Variants in SLC38A4 observed in about 807,000 individuals in gnomAD.
The protein encoded by SLC38A4 is solute carrier family 38 member 4.
In SLC38A4, 20 loss-of-function variants were observed where a neutral mutation model predicts 63.1. The observed-to-expected ratio is 0.32, with a 90% CI of 0.22 to 0.46. The LOEUF is 0.46. SLC38A4 is among the 20% of genes least tolerant of loss of function. SLC38A4 has a pLI of 1.00. For missense variants in SLC38A4, 526 were observed against 663.6 expected (o/e 0.79, Z 2.28); for synonymous variants, 230 against 225.5 (o/e 1.02, Z -0.18).
At chr12:46,800,525 C>T (rs1435589138) in intron 2 of SLC38A4, among the ~76,000 whole-genome samples, 1 of 151,938 alleles carries the variant, frequency 6.6e-6, no homozygotes, top group Non-Finnish European at 1.5e-5. Flanking sequence ...GCCCAGGTCC[C>T]TCCCAATGTT....
rs117648448 is a variant in SLC38A4, at chr12:46,765,100, G to C, written c.*1601C>G. 1,172 of 152,616 alleles carry C rather than the reference G, an allele frequency of 7.7e-3. 20 individuals carry two copies. The highest frequency in any genetic ancestry group is 0.058 in the East Asian group (301 of 5,182). 9.5% of individuals were successfully genotyped at this position (152,616 alleles called of 1,614,324 possible). A position where few individuals can be genotyped will look rare whatever the true frequency, so the allele number is the denominator to read the frequency against. ...TATATCCTAAAGATGCTATTTGGCA[G>C]ATTTTTTTCAAATAATAGTAGCTCA... On this transcript the variant is annotated 3_prime_UTR_variant, in exon 17 of 17. Transcript: ENST00000266579.
chr12:46,789,242 C>A (rs1374846695), intron 3 of SLC38A4, among the ~76,000 whole-genome samples: 1 of 151,104 alleles, frequency 6.6e-6, no homozygotes, highest in South Asian at 2.1e-4. Flanking sequence ...TTTATACATA[C>A]ATCTCTTACT....
At position 46,776,996 on chromosome 12, in the gene SLC38A4, C is replaced by T. The variant is rs768636628; in HGVS notation, c.1082G>A (p.Arg361Gln). 1.3e-4 allele frequency: 216 copies of T among 1,610,438 alleles called. No individual in the cohort carries two copies. The highest frequency in any genetic ancestry group is 1.6e-4 in the African/African-American group (12 of 74,596). ...ATTTGACACCGTTTGCATTTTTCTC[C>T]GGGACCGACTGGAAAAAGAAAGAAC... The part of the protein sequence containing the change: ...PIYSELKDRS[R>Q]RKMQTVSNIS... The change falls in exon 13 of 17, where the codon CGG becomes CAG. Residue 361 changes from arginine to glutamine, a missense_variant. Transcript: ENST00000266579.
At chr12:46,831,626 T>C (rs927837456) in intron 1 of SLC38A4, among the ~76,000 whole-genome samples, 2 of 152,166 alleles carry the variant, frequency 1.3e-5, no homozygotes, top group African/African-American at 4.8e-5. Flanking sequence ...CCTTCTCCCT[T>C]GAAAGAGACT....
At chr12:46,820,240 C>A (rs1001382349) in intron 1 of SLC38A4, among the ~76,000 whole-genome samples, 2 of 151,900 alleles carry the variant, frequency 1.3e-5, no homozygotes, top group Non-Finnish European at 2.9e-5. Context: ...ACTTTCGTGC[C>A]TAACGATAGG....
At chr12:46,813,801 A>G (rs1334191551) in intron 1 of SLC38A4, among the ~76,000 whole-genome samples, 1 of 152,002 alleles carries the variant, frequency 6.6e-6, no homozygotes, top group African/African-American at 2.4e-5. Context: ...TACAAGAAGG[A>G]GATAATAATA....
chr12:46,812,287 T>C (rs982978986), intron 1 of SLC38A4, among the ~76,000 whole-genome samples: 1 of 152,042 alleles, frequency 6.6e-6, no homozygotes, highest in South Asian at 2.1e-4. Context: ...GCTGATGGCA[T>C]TTCCTTTGAT....
upstream of SLC38A4, among the ~76,000 whole-genome samples, chr12:46,828,700 TC>T (rs1939691964): frequency 1.3e-5 from 2 of 152,200 alleles, no homozygotes; most frequent in Admixed American, 1.3e-4. Context: ...CATTCATTGT[TC>T]CACAAATATT....
At chr12:46,827,436 T>C (rs1486257008), upstream of SLC38A4, among the ~76,000 whole-genome samples, 2 of 152,180 alleles carry the variant, frequency 1.3e-5, no homozygotes, top group African/African-American at 4.8e-5. Flanking sequence ...CCTGGAATAA[T>C]AGATCCTTAC....
chr12:46,769,421 G>A lies in SLC38A4; in HGVS notation c.1307C>T (p.Thr436Ile). 9 of 1,612,330 alleles carry A rather than the reference G, an allele frequency of 5.6e-6. No homozygotes were observed. Among genetic ancestry groups the A allele is most frequent in the Non-Finnish European group, 7.6e-6 (9 of 1,178,778 alleles). Residue 436 changes from threonine to isoleucine, a missense_variant, in exon 15 of 17, where the codon ACA (threonine) becomes ATA (isoleucine). Physicochemically the swap from Thr to Ile is moderately conservative, Grantham distance 89 (BLOSUM62 -1). Coordinates refer to ENST00000266579, the MANE Select transcript of SLC38A4 (RefSeq NM_018018.5). Reference protein sequence around the residue: ...TVPIVLFPIRTSVITLLFPKR... With the variant: ...TVPIVLFPIRISVITLLFPKR... ...GGGAAATAACAGTGTGATCACTGAT[G>A]TACGAATCTTAAACAAGAAAGTTCA... is the stretch of plus-strand genomic sequence containing the variant.
At chr12:46,783,654 A>G (rs1938697180) in intron 7 of SLC38A4, among the ~76,000 whole-genome samples, 1 of 152,110 alleles carries the variant, frequency 6.6e-6, no homozygotes, top group African/African-American at 2.4e-5. Flanking sequence ...AGTTGGGGAA[A>G]AGGAAACATT....
At chr12:46,770,310 G>T (rs985334685) in intron 14 of SLC38A4, among the ~76,000 whole-genome samples, 1 of 143,202 alleles carries the variant, frequency 7.0e-6, no homozygotes, top group African/African-American at 2.5e-5. Flanking sequence ...ATTTTAAAAT[G>T]GTATTTTAAA....
At chr12:46,825,514 TG>T (rs2120934183) in intron 1 of SLC38A4, among the ~76,000 whole-genome samples, 1 of 152,336 alleles carries the variant, frequency 6.6e-6, no homozygotes, top group East Asian at 1.9e-4. Flanking sequence ...AAAATAGCTC[TG>T]TTTTCCAGTG....
At chr12:46,825,610 G>C (rs1939633953) in intron 1 of SLC38A4, among the ~76,000 whole-genome samples, 1 of 152,068 alleles carries the variant, frequency 6.6e-6, no homozygotes, top group South Asian at 2.1e-4. Context: ...TTTAACAATA[G>C]AGGTCAGTTT....
chr12:46,775,208 G>C (rs1413622763), intron 13 of SLC38A4, 35 bp from the exon 14 acceptor site: 1 of 1,602,832 alleles, frequency 6.2e-7, no homozygotes, highest in Non-Finnish European at 8.5e-7. Context: ...ACCGCTTGGT[G>C]TTGTCAAATC....
intron 2 of SLC38A4, among the ~76,000 whole-genome samples, chr12:46,800,293 G>A (rs1368097772): frequency 6.6e-6 from 1 of 151,936 alleles, no homozygotes; most frequent in East Asian, 1.9e-4. Flanking sequence ...GCTACTGAAG[G>A]CCCTACTGTG....
chr12:46,773,401 C>A (rs1938459112), intron 14 of SLC38A4, among the ~76,000 whole-genome samples: 1 of 152,016 alleles, frequency 6.6e-6, no homozygotes, highest in African/African-American at 2.4e-5. Flanking sequence ...TGTAACATTG[C>A]AAGGGTGAGG....
At chr12:46,821,074 T>G (rs920586199) in intron 1 of SLC38A4, among the ~76,000 whole-genome samples, 1 of 152,118 alleles carries the variant, frequency 6.6e-6, no homozygotes, top group Non-Finnish European at 1.5e-5. Context: ...TTTCATCAGA[T>G]ACATGGTTTG....
At chr12:46,772,028 T>C (rs768235646) in intron 14 of SLC38A4, among the ~76,000 whole-genome samples, 1 of 151,830 alleles carries the variant, frequency 6.6e-6, no homozygotes, top group Non-Finnish European at 1.5e-5. Flanking sequence ...GAAAGAGTCC[T>C]GAACAGGAGC....
Sources: gnomAD v4.1 joint callset for allele counts (sites outside exome capture counted in the v4.1 genomes callset) on GRCh38, gnomAD v4.1.1 for gene constraint, MANE v1.5 for transcripts, NCBI Gene and HGNC (gene_info 2026-07-23, HGNC 2026-07-21) for gene names.